The following CHRM3 variants were observed in gnomAD, a reference collection of about 807,000 sequenced individuals.
CHRM3 encodes the protein cholinergic receptor muscarinic 3.
In CHRM3, 11 loss-of-function variants were observed where a neutral mutation model predicts 41.8. The ratio of observed to expected loss-of-function variants is 0.26; its 90% CI spans 0.17 to 0.44. The LOEUF (loss-of-function observed/expected upper bound fraction) is 0.44. Ranked by LOEUF, CHRM3 falls within the 20% of genes least tolerant of loss-of-function variation. The probability of loss-of-function intolerance (pLI) is 1.00; values close to 1 mark genes in which losing one functional copy is unlikely to be tolerated. For synonymous variants in CHRM3, 297 were observed against 301.4 expected (o/e 0.99, Z 0.15); for missense variants, 571 against 745.4 (o/e 0.77, Z 2.72).
At chr1:239,757,673 G>C (rs1666359182) in intron 5 of CHRM3, among the ~76,000 whole-genome samples, 1 of 151,758 alleles carries the variant, frequency 6.6e-6, no homozygotes, top group Non-Finnish European at 1.5e-5. Flanking sequence ...AAGAATGTCT[G>C]AATCGTATAT....
chr1:239,910,304 A>AATATATATAT lies in CHRM3; in HGVS notation c.*1083_*1092dup, dbSNP rs201823094. ...GTCACGTTTGAATGTCATACACAGC[A>AATATATATAT]ATATATATATATGTGTATATATATA... On this transcript the variant is annotated 3_prime_UTR_variant, in exon 7 of 7. Transcript: ENST00000676153. 1.9e-5 allele frequency: 3 copies of AATATATATAT among 159,636 alleles called. No homozygotes were observed. The highest frequency in any genetic ancestry group is 7.6e-5 in the African/African-American group (3 of 39,562). 9.9% of individuals were successfully genotyped at this position (159,636 alleles called of 1,614,324 possible).
intron 1 of CHRM3, among the ~76,000 whole-genome samples, chr1:239,396,492 A>T (rs1023132632): frequency 3.3e-5 from 5 of 152,120 alleles, no homozygotes; most frequent in African/African-American, 1.2e-4. Context: ...ACCTGCCTGT[A>T]GTCTCAGCTA....
intron 4 of CHRM3, among the ~76,000 whole-genome samples, chr1:239,669,647 G>C (rs1347288927): frequency 1.3e-5 from 2 of 152,116 alleles, no homozygotes; most frequent in Non-Finnish European, 2.9e-5. Flanking sequence ...TGACAGAAAA[G>C]TTAGAAAGAC....
intron 3 of CHRM3, among the ~76,000 whole-genome samples, chr1:239,562,033 C>T (rs1033985927): frequency 2.6e-5 from 4 of 152,074 alleles, no homozygotes; most frequent in East Asian, 1.9e-4. Flanking sequence ...ACCTTGCATA[C>T]GTAAATTTTG....
intron 5 of CHRM3, among the ~76,000 whole-genome samples, chr1:239,790,461 G>A (rs1053685512): frequency 6.6e-6 from 1 of 152,112 alleles, no homozygotes; most frequent in Non-Finnish European, 1.5e-5. Flanking sequence ...TTTTATAAAG[G>A]GGAGTTCCCC....
At chr1:239,863,508 A>C (rs1011162289) in intron 6 of CHRM3, among the ~76,000 whole-genome samples, 1 of 152,136 alleles carries the variant, frequency 6.6e-6, no homozygotes, top group African/African-American at 2.4e-5. Context: ...CCAGCCCCTC[A>C]ATGGTCATCC....
At chr1:239,826,674 A>T (rs979905503) in intron 5 of CHRM3, among the ~76,000 whole-genome samples, 5 of 152,194 alleles carry the variant, frequency 3.3e-5, no homozygotes, top group Admixed American at 2.6e-4. Context: ...TAGATTTTTG[A>T]TAAAGGGTAG....
intron 5 of CHRM3, among the ~76,000 whole-genome samples, chr1:239,779,309 C>T (rs1047896838): frequency 1.3e-5 from 2 of 152,188 alleles, no homozygotes; most frequent in Admixed American, 1.3e-4. Flanking sequence ...GATGCATCAA[C>T]ATTGACACAT....
At chr1:239,435,949 T>G (rs1663229090) in intron 1 of CHRM3, among the ~76,000 whole-genome samples, 1 of 152,136 alleles carries the variant, frequency 6.6e-6, no homozygotes, top group Non-Finnish European at 1.5e-5. Context: ...GGAAAACGTT[T>G]CTTTGGGGGC....
intron 1 of CHRM3, among the ~76,000 whole-genome samples, chr1:239,392,503 G>A (rs1659122014): frequency 6.6e-6 from 1 of 152,146 alleles, no homozygotes; most frequent in Non-Finnish European, 1.5e-5. Context: ...CACAGGAAGT[G>A]GTGCTAATGT....
chr1:239,732,871 T>C (rs34990723), intron 5 of CHRM3, among the ~76,000 whole-genome samples: 46 of 144,340 alleles, frequency 3.2e-4, no homozygotes, highest in African/African-American at 1.1e-3. Context: ...TAATATCTCA[T>C]TTAGATAAGT....
At chr1:239,413,175 G>A (rs2103056626) in intron 1 of CHRM3, among the ~76,000 whole-genome samples, 1 of 151,958 alleles carries the variant, frequency 6.6e-6, no homozygotes, top group South Asian at 2.1e-4. Context: ...AAGCCTTACT[G>A]GTTTCCACTG....
chr1:239,786,394 C>T (rs567884050), intron 5 of CHRM3, among the ~76,000 whole-genome samples: 1 of 152,138 alleles, frequency 6.6e-6, no homozygotes, highest in Non-Finnish European at 1.5e-5. Context: ...CTCATTTAAC[C>T]CTCACAACAT....
intron 5 of CHRM3, among the ~76,000 whole-genome samples, chr1:239,754,311 A>G (rs1476234024): frequency 1.3e-5 from 2 of 152,234 alleles, no homozygotes; most frequent in African/African-American, 4.8e-5. Context: ...CCAATCATTT[A>G]ATGAGATTTG....
At chr1:239,753,709 C>T (rs1666019240) in intron 5 of CHRM3, among the ~76,000 whole-genome samples, 1 of 152,132 alleles carries the variant, frequency 6.6e-6, no homozygotes, top group Non-Finnish European at 1.5e-5. Flanking sequence ...TGACCGAATG[C>T]AGAAGTCTTA....
At chr1:239,461,648 T>TG (rs144691027) in intron 1 of CHRM3, among the ~76,000 whole-genome samples, 9,795 of 152,166 alleles carry the variant, frequency 0.064, 601 homozygotes, top group African/African-American at 0.16. Context: ...ATGAGCTCCC[T>TG]GGTGGTCTCT....
At chr1:239,523,630 G>A (rs2148281632) in intron 2 of CHRM3, among the ~76,000 whole-genome samples, 1 of 152,132 alleles carries the variant, frequency 6.6e-6, no homozygotes, top group African/African-American at 2.4e-5. Flanking sequence ...CTGAAATTCT[G>A]ATTTTAGTCT....
At chr1:239,887,355 C>T (rs1225847539) in intron 6 of CHRM3, among the ~76,000 whole-genome samples, 5 of 152,130 alleles carry the variant, frequency 3.3e-5, no homozygotes, top group African/African-American at 1.2e-4. Flanking sequence ...GCACCCGCCA[C>T]CATGCATGGA....
chr1:239,900,030 C>A (rs1679394128), intron 6 of CHRM3, among the ~76,000 whole-genome samples: 4 of 152,306 alleles, frequency 2.6e-5, no homozygotes, highest in Admixed American at 2.6e-4. Context: ...GTTCCCACCA[C>A]CTGTTTATTC....
Sources: allele counts gnomAD v4.1 joint callset (sites outside exome capture counted in the v4.1 genomes callset), GRCh38; gene constraint gnomAD v4.1.1; transcripts MANE v1.5; gene names NCBI Gene and HGNC (gene_info 2026-07-23, HGNC 2026-07-21).